RPS6KA3: variants seen among roughly 807,000 people sequenced by gnomAD.
RPS6KA3 encodes the protein ribosomal protein S6 kinase alpha-3.
RPS6KA3 carries 4 observed loss-of-function variants against 67.2 expected under a neutral mutation model. The ratio of observed to expected loss-of-function variants is 0.06; its 90% confidence interval spans 0.03 to 0.14. The LOEUF is 0.14. Among genes scored for constraint, RPS6KA3 ranks in the 10% least tolerant of loss-of-function variants. The pLI is 1.00. For synonymous variants in RPS6KA3, 182 were observed against 183.7 expected, an observed-to-expected ratio of 0.99 and a Z score of 0.07; for missense variants, 204 against 559.0, an observed-to-expected ratio of 0.36 and a Z score of 6.40.
At chrX:20,229,116 CT>C (rs369653821) in intron 2 of RPS6KA3, among the ~76,000 whole-genome samples, 2,043 of 103,167 alleles carry the variant, frequency 0.02, 44 homozygotes, top group African/African-American at 0.064. Context: ...AAGTAAGTGC[CT>C]TTTTTTTTTT....
chrX:20,262,289 T>C (rs141211841), intron 1 of RPS6KA3, among the ~76,000 whole-genome samples: 2 of 112,012 alleles, frequency 1.8e-5, no homozygotes, highest in African/African-American at 3.2e-5. Context: ...TTTAGGACAA[T>C]TGTTCTGCAA....
chrX:20,155,655 G>C, intron 21 of RPS6KA3, 135 bp from the exon 22 acceptor site: 2 of 786,976 alleles, frequency 2.5e-6, no homozygotes, highest in Non-Finnish European at 3.7e-6. Flanking sequence ...AACCACACTG[G>C]TCAAATCCAC....
In RPS6KA3 at chrX:20,187,483, T is replaced by C. The variant is rs961591586; in HGVS notation, c.774+345A>G. ...CCTCCCAAAGTGCTAGGATTACAGGTGTGAGCCACTGCACTCGGCCAAACG... is the reference window on the plus strand; with the variant it reads ...CCTCCCAAAGTGCTAGGATTACAGGCGTGAGCCACTGCACTCGGCCAAACG... On this transcript the variant is annotated intron_variant, in intron 9 of 21. Coordinates refer to ENST00000379565, the MANE Select transcript of RPS6KA3 (RefSeq NM_004586.3). Among the ~76,000 whole-genome samples the C allele has an allele frequency of 7.2e-5, 8 of 111,771 alleles. No individual in the cohort carries two copies. The Admixed American group carries it at 7.6e-4, about 11-fold the overall frequency.
chrX:20,183,469 A>AT (rs1392702573), intron 10 of RPS6KA3, among the ~76,000 whole-genome samples: 2 of 111,176 alleles, frequency 1.8e-5, no homozygotes, highest in Admixed American at 9.6e-5. Flanking sequence ...CTCCCTGCCT[A>AT]TTTTTTATAC....
intron 4 of RPS6KA3, among the ~76,000 whole-genome samples, chrX:20,201,976 C>CTTTTTTTT (rs1282039865): frequency 5.9e-4 from 49 of 82,679 alleles, no homozygotes; most frequent in Non-Finnish European, 8.1e-4. Flanking sequence ...TTTCTTTTTT[C>CTTTTTTTT]TTTTTTTTTT....
At chrX:20,201,668 T>C (rs886823211) in intron 4 of RPS6KA3, among the ~76,000 whole-genome samples, 39 of 111,503 alleles carry the variant, frequency 3.5e-4, no homozygotes, top group African/African-American at 1.1e-3. Flanking sequence ...AATTAACCTA[T>C]GGCTTCTTAT....
chrX:20,164,848 G>C (rs1322563550), intron 18 of RPS6KA3, 51 bp downstream of exon 18: 3 of 932,143 alleles, frequency 3.2e-6, no homozygotes, highest in Non-Finnish European at 4.7e-6. Flanking sequence ...TAAACATAGT[G>C]AATGAGTTTT....
At chrX:20,214,610 G>C (rs758996414) in intron 2 of RPS6KA3, among the ~76,000 whole-genome samples, 21 of 111,096 alleles carry the variant, frequency 1.9e-4, no homozygotes, top group Non-Finnish European at 2.3e-4. Flanking sequence ...GATAAATAGG[G>C]TCTTCTTTCC....
intron 10 of RPS6KA3, among the ~76,000 whole-genome samples, chrX:20,182,420 C>G (rs59980676): frequency 0.041 from 4,626 of 111,657 alleles, 137 homozygotes; most frequent in African/African-American, 0.1. Flanking sequence ...TACACCCATG[C>G]GCCAAGGCTT....
intron 2 of RPS6KA3, among the ~76,000 whole-genome samples, chrX:20,223,117 T>C (rs908435402): frequency 5.4e-5 from 6 of 112,007 alleles, no homozygotes; most frequent in Non-Finnish European, 9.4e-5. Flanking sequence ...AATATTGACC[T>C]ATGCTTGTAT....
chrX:20,186,883 G>A (rs1411959399), intron 9 of RPS6KA3, among the ~76,000 whole-genome samples: 1 of 112,232 alleles, frequency 8.9e-6, no homozygotes, highest in Non-Finnish European at 1.9e-5. Context: ...ACCCAGGCTG[G>A]AGTGCAGTGG....
chrX:20,263,702 T>TA (rs2070296468), intron 1 of RPS6KA3, among the ~76,000 whole-genome samples: 2 of 111,859 alleles, frequency 1.8e-5, no homozygotes, highest in Non-Finnish European at 3.8e-5. Context: ...ATTAAAATGA[T>TA]AAAAAACAGA....
At chrX:20,244,288 G>A (rs779306351) in intron 1 of RPS6KA3, among the ~76,000 whole-genome samples, 2 of 111,487 alleles carry the variant, frequency 1.8e-5, no homozygotes, top group African/African-American at 3.3e-5. Context: ...CTCAGCCTCC[G>A]AAAGTGCTAG....
At chrX:20,219,357 T>C (rs1445851395) in intron 2 of RPS6KA3, among the ~76,000 whole-genome samples, 2 of 111,904 alleles carry the variant, frequency 1.8e-5, no homozygotes, top group Non-Finnish European at 3.8e-5. Flanking sequence ...TTTAAGGTTA[T>C]ACACAGGCAT....
rs1300388809 is a variant in RPS6KA3 at position 20,169,392 on chromosome X, AT to A, written c.1443+9del. ...TGATTCAAATGATCCATATTAAAGA[AT>A]CTACTTACATCCTTTAGAGTGATAA... On this transcript the variant is annotated intron_variant, in intron 16 of 21. Coordinates refer to ENST00000379565, the MANE Select transcript of RPS6KA3 (RefSeq NM_004586.3). 1.9e-6 allele frequency: 2 copies of A among 1,038,419 alleles called. No individual in the cohort carries two copies. The highest frequency in any genetic ancestry group is 2.7e-6 in the Non-Finnish European group (2 of 738,423). 85.6% of individuals were successfully genotyped at this position (1,038,419 alleles called of 1,213,427 possible).
At chrX:20,236,297 C>A (rs757048562) in intron 1 of RPS6KA3, among the ~76,000 whole-genome samples, 1 of 111,587 alleles carries the variant, frequency 9.0e-6, no homozygotes, top group African/African-American at 3.3e-5. Flanking sequence ...ACCACAAAAA[C>A]GGAAGTCAGG....
chrX:20,226,887 T>G (rs2069136047), intron 2 of RPS6KA3, among the ~76,000 whole-genome samples: 1 of 112,243 alleles, frequency 8.9e-6, no homozygotes, highest in East Asian at 2.8e-4. Context: ...ATCACAGATT[T>G]TGGTTAAATC....
chrX:20,172,511 GA>G (rs765546599), intron 15 of RPS6KA3, among the ~76,000 whole-genome samples: 2 of 110,729 alleles, frequency 1.8e-5, no homozygotes, highest in African/African-American at 6.6e-5. Context: ...GGTAAAAAAA[GA>G]AAAAAAATCA....
intron 10 of RPS6KA3, among the ~76,000 whole-genome samples, chrX:20,185,107 G>A (rs936619908): frequency 1.8e-5 from 2 of 110,760 alleles, no homozygotes; most frequent in African/African-American, 6.6e-5. Context: ...TACCATGCCC[G>A]AATAATTTTT....
Sources: gnomAD v4.1 joint callset for allele counts (sites outside exome capture counted in the v4.1 genomes callset) on GRCh38, gnomAD v4.1.1 for gene constraint, MANE v1.5 for transcripts, NCBI Gene and HGNC (gene_info 2026-07-23, HGNC 2026-07-21) for gene names.